The following SUPT3H variants were observed in gnomAD, a reference collection of about 807,000 sequenced individuals.
SUPT3H encodes transcription initiation protein SPT3 homolog.
SUPT3H carries 44 observed loss-of-function variants against 44.3 expected under a neutral mutation model. The observed-to-expected ratio is 0.99, with a 90% CI of 0.78 to 1.28. The LOEUF (loss-of-function observed/expected upper bound fraction) is 1.28. Among genes scored for constraint, SUPT3H ranks in the 50% most tolerant of loss-of-function variants. The pLI, the probability that SUPT3H is intolerant of heterozygous loss-of-function variation, is 0.00. For synonymous variants in SUPT3H, 124 were observed against 125.6 expected, an observed-to-expected ratio of 0.99 and a Z score of 0.09; for missense variants, 380 against 387.1, an observed-to-expected ratio of 0.98 and a Z score of 0.15.
chr6:45,068,982 AAAAAAAAAT>A (rs1562389184), intron 3 of SUPT3H, among the ~76,000 whole-genome samples: 3 of 151,622 alleles, frequency 2.0e-5, no homozygotes, highest in Non-Finnish European at 2.9e-5. Flanking sequence ...CTTTGCAAAA[AAAAAAAAAT>A]AAAAAAAATA....
chr6:44,907,955 T>C lies in SUPT3H; in HGVS notation c.912+24698A>G, dbSNP rs542615137. Among the ~76,000 whole-genome samples, 79 of 152,092 alleles carry C rather than the reference T, an allele frequency of 5.2e-4. 1 individual carries two copies. Among genetic ancestry groups the C allele is most frequent in the Non-Finnish European group, 9.8e-4 (67 of 68,026 alleles). On this transcript the variant is annotated intron_variant, in intron 10 of 10. Transcript: ENST00000371459. ...AGTTTTGATGATGTGGCTCTGACTA[T>C]GGTAAAGTAAGGAACTGTGGAGGAC...
chr6:45,266,793 T>C (rs1775334537), intron 2 of SUPT3H, among the ~76,000 whole-genome samples: 1 of 152,024 alleles, frequency 6.6e-6, no homozygotes, highest in Admixed American at 6.6e-5. Context: ...TTAAGGAACA[T>C]CTTCTTTACA....
chr6:45,059,176 C>T (rs907601063), intron 3 of SUPT3H, among the ~76,000 whole-genome samples: 4 of 151,960 alleles, frequency 2.6e-5, no homozygotes, highest in African/African-American at 9.7e-5. Context: ...AACATTGGTG[C>T]AAAAATCCTC....
intron 2 of SUPT3H, among the ~76,000 whole-genome samples, chr6:45,149,053 A>T (rs950158367): frequency 6.6e-6 from 1 of 152,174 alleles, no homozygotes; most frequent in Non-Finnish European, 1.5e-5. Flanking sequence ...TAAATTTCCA[A>T]TTCTCTTTTG....
chr6:45,320,545 C>CT (rs1423463512), intron 2 of SUPT3H, among the ~76,000 whole-genome samples: 2 of 151,906 alleles, frequency 1.3e-5, no homozygotes, highest in African/African-American at 4.8e-5. Flanking sequence ...TCCCAAAATG[C>CT]TGGGATTATA....
chr6:44,905,128 A>T (rs1045575773), intron 10 of SUPT3H, among the ~76,000 whole-genome samples: 1 of 152,110 alleles, frequency 6.6e-6, no homozygotes, highest in Non-Finnish European at 1.5e-5. Flanking sequence ...TTCATGTCTA[A>T]AACACCAAAA....
At chr6:45,018,867 G>A (rs1471711092) in intron 4 of SUPT3H, among the ~76,000 whole-genome samples, 1 of 151,840 alleles carries the variant, frequency 6.6e-6, no homozygotes, top group Non-Finnish European at 1.5e-5. Context: ...CTCATAAAAT[G>A]AGTTAGGGAG....
intron 2 of SUPT3H, among the ~76,000 whole-genome samples, chr6:45,289,217 C>T (rs1348343223): frequency 6.6e-6 from 1 of 151,810 alleles, no homozygotes. Context: ...TAAATTGTTA[C>T]TAAAATTAAT....
chr6:44,969,473 CTTGAG>C (rs1196098917), intron 6 of SUPT3H, among the ~76,000 whole-genome samples: 1 of 151,998 alleles, frequency 6.6e-6, no homozygotes, highest in African/African-American at 2.4e-5. Flanking sequence ...CTTCTTTCCT[CTTGAG>C]TTAATTTTAC....
chr6:45,196,354 T>C (rs1344491864), intron 2 of SUPT3H, among the ~76,000 whole-genome samples: 1 of 152,042 alleles, frequency 6.6e-6, no homozygotes, highest in Non-Finnish European at 1.5e-5. Context: ...AATGCACGCT[T>C]CAGCACTTTT....
At chr6:44,995,522 C>A (rs1331349948) in intron 6 of SUPT3H, among the ~76,000 whole-genome samples, 1 of 152,060 alleles carries the variant, frequency 6.6e-6, no homozygotes, top group African/African-American at 2.4e-5. Flanking sequence ...TTACGAGTTT[C>A]TAACTGCTAG....
intron 2 of SUPT3H, chr6:45,322,861 G>T (rs767836433): frequency 5.4e-5 from 86 of 1,600,140 alleles, no homozygotes; most frequent in Non-Finnish European, 7.2e-5. Context: ...CAGTGGCACT[G>T]GAGAGCCTCT....
chr6:45,030,333 T>C (rs1786719745), intron 3 of SUPT3H, among the ~76,000 whole-genome samples: 1 of 152,182 alleles, frequency 6.6e-6, no homozygotes, highest in Admixed American at 6.5e-5. Flanking sequence ...CTTGACTACA[T>C]TAATAATGCC....
At chr6:45,267,896 T>C (rs116048054) in intron 2 of SUPT3H, among the ~76,000 whole-genome samples, 2,401 of 152,266 alleles carry the variant, frequency 0.016, 58 homozygotes, top group African/African-American at 0.054. Context: ...TACCCACACA[T>C]CTGCAATGCG....
At chr6:44,972,415 GCCCCTGTGGCTTT>G (rs1171059753) in intron 6 of SUPT3H, among the ~76,000 whole-genome samples, 1 of 152,154 alleles carries the variant, frequency 6.6e-6, no homozygotes, top group Non-Finnish European at 1.5e-5. Flanking sequence ...TGTCAGCTAC[GCCCCTGTGGCTTT>G]GTAGGGCACA....
chr6:45,344,855 C>T (rs984455196), intron 2 of SUPT3H, among the ~76,000 whole-genome samples: 8 of 152,068 alleles, frequency 5.3e-5, no homozygotes, highest in Admixed American at 1.3e-4. Context: ...ACAAGGGAGA[C>T]GGTAAAACTA....
intron 3 of SUPT3H, among the ~76,000 whole-genome samples, chr6:45,023,913 A>C (rs1562284953): frequency 2.0e-5 from 3 of 152,168 alleles, no homozygotes. Context: ...AATAAAAGTT[A>C]AAAACAAAAC....
intron 2 of SUPT3H, among the ~76,000 whole-genome samples, chr6:45,235,522 A>G (rs1768928475): frequency 1.3e-5 from 2 of 152,194 alleles, no homozygotes; most frequent in South Asian, 2.1e-4. Flanking sequence ...GTGTGTGTGT[A>G]CCTGAGACCT....
At chr6:45,308,053 T>A (rs1584835320) in intron 2 of SUPT3H, among the ~76,000 whole-genome samples, 2 of 152,024 alleles carry the variant, frequency 1.3e-5, no homozygotes, top group East Asian at 3.9e-4. Context: ...AGAGAAGTTT[T>A]GAGAAAAAAG....
Sources: allele counts gnomAD v4.1 joint callset (sites outside exome capture counted in the v4.1 genomes callset), GRCh38; gene constraint gnomAD v4.1.1; transcripts MANE v1.5; gene names NCBI Gene and HGNC (gene_info 2026-07-23, HGNC 2026-07-21).